The following PTPRD variants were observed in gnomAD, a reference collection of about 807,000 sequenced individuals.
PTPRD encodes protein tyrosine phosphatase receptor type D, also known as receptor-type tyrosine-protein phosphatase delta.
Under a neutral mutation model 214.5 loss-of-function variants are expected in PTPRD, and 34 were observed. The ratio of observed to expected loss-of-function variants is 0.16; its 90% confidence interval spans 0.12 to 0.21. The LOEUF is 0.21. Among genes scored for constraint, PTPRD ranks in the 10% least tolerant of loss-of-function variants. The pLI, the probability that PTPRD is intolerant of heterozygous loss-of-function variation, is 1.00. For synonymous variants in PTPRD, 1,128 were observed against 845.7 expected (o/e 1.33, Z -5.79); for missense variants, 2,545 against 2,398.7 (o/e 1.06, Z -1.27).
At chr9:9,859,273 AG>A (rs1395636494) in intron 5 of PTPRD, among the ~76,000 whole-genome samples, 8 of 152,150 alleles carry the variant, frequency 5.3e-5, no homozygotes, top group Non-Finnish European at 8.8e-5. Flanking sequence ...ACCCAGTCTC[AG>A]GTAAGTATCT....
chr9:8,503,962 T>TA (rs2097481322), intron 23 of PTPRD, among the ~76,000 whole-genome samples: 1 of 152,232 alleles, frequency 6.6e-6, no homozygotes, highest in Admixed American at 6.5e-5. Context: ...TAAAGACTTG[T>TA]AATTCATTAA....
chr9:9,247,335 C>T (rs888462774), intron 9 of PTPRD, among the ~76,000 whole-genome samples: 14 of 151,988 alleles, frequency 9.2e-5, no homozygotes, highest in African/African-American at 3.4e-4. Context: ...ACATTTCTAC[C>T]TGGCTGTCCA....
chr9:8,788,253 AT>A (rs776984034), intron 11 of PTPRD, among the ~76,000 whole-genome samples: 2,670 of 84,902 alleles, frequency 0.031, 85 homozygotes, highest in East Asian at 0.13. Context: ...ATATAAGATG[AT>A]TTTTTTTTTT....
chr9:9,845,923 AAGG>A (rs1428843156), intron 5 of PTPRD, among the ~76,000 whole-genome samples: 1 of 152,052 alleles, frequency 6.6e-6, no homozygotes, highest in Non-Finnish European at 1.5e-5. Flanking sequence ...TGGAGCAGAG[AAGG>A]AGCAGAGTAA....
intron 14 of PTPRD, among the ~76,000 whole-genome samples, chr9:8,632,568 G>A (rs2221875): frequency 0.052 from 7,877 of 151,896 alleles, 658 homozygotes; most frequent in African/African-American, 0.18. Flanking sequence ...GTGCCTAATT[G>A]GGAATGTTCG....
chr9:8,611,804 A>AAGAGGAGAGG (rs141425353), intron 14 of PTPRD, among the ~76,000 whole-genome samples: 39,119 of 145,180 alleles, frequency 0.27, 5,507 homozygotes, highest in South Asian at 0.35. Flanking sequence ...GAAAAGAAAA[A>AAGAGGAGAGG]AGAGGAGAGG....
chr9:9,081,517 C>T (rs532951827), intron 10 of PTPRD, among the ~76,000 whole-genome samples: 107 of 152,004 alleles, frequency 7.0e-4, no homozygotes, highest in African/African-American at 2.5e-3. Flanking sequence ...AGGTCTTCTT[C>T]TTCCAGAGCC....
chr9:8,712,423 GGT>G (rs1185360402), intron 12 of PTPRD, among the ~76,000 whole-genome samples: 1 of 150,564 alleles, frequency 6.6e-6, no homozygotes, highest in Non-Finnish European at 1.5e-5. Context: ...ACTTTTTACT[GGT>G]GTTATTTTCG....
At chr9:8,439,965 TTG>T (rs1554971174) in intron 34 of PTPRD, among the ~76,000 whole-genome samples, 5 of 115,090 alleles carry the variant, frequency 4.3e-5, no homozygotes, top group East Asian at 2.8e-4. Context: ...TTTTTTTTTT[TTG>T]CAGGCTGTAC....
intron 12 of PTPRD, chr9:8,713,541 C>A (rs1182703321): frequency 2.3e-6 from 3 of 1,313,594 alleles, no homozygotes; most frequent in Non-Finnish European, 3.3e-6. Flanking sequence ...GGGTGAAGAA[C>A]TTCGGGATCT....
intron 6 of PTPRD, among the ~76,000 whole-genome samples, chr9:9,742,086 A>G (rs572590101): frequency 1.3e-5 from 2 of 152,192 alleles, no homozygotes; most frequent in African/African-American, 4.8e-5. Context: ...TGTTTTTAAT[A>G]TTCGCCATTC....
At chr9:8,552,466 A>G (rs2082394600) in intron 14 of PTPRD, among the ~76,000 whole-genome samples, 1 of 152,166 alleles carries the variant, frequency 6.6e-6, no homozygotes, top group Admixed American at 6.5e-5. Context: ...AGGTGCATGG[A>G]AAGAGGACAG....
chr9:8,338,644 A>T (rs898453448), intron 43 of PTPRD, among the ~76,000 whole-genome samples: 58 of 152,056 alleles, frequency 3.8e-4, no homozygotes, highest in African/African-American at 1.4e-3. Flanking sequence ...ATCAGTAAAC[A>T]CTTCCCAGCA....
In PTPRD at chr9:8,540,483, A is replaced by G. The variant is rs140466905; in HGVS notation, c.353-11704T>C. Among the ~76,000 whole-genome samples the G allele has an allele frequency of 1.9e-3, 295 of 152,296 alleles. 4 individuals carry two copies. Among genetic ancestry groups the G allele is most frequent in the Admixed American group, 0.018 (272 of 15,288 alleles). ...AGTGATAACTCAAGAGCAAGGTGCA[A>G]GCTCATGAAAAGAAAATGTGAGAAA... On this transcript the variant is annotated intron_variant, in intron 14 of 45. Coordinates refer to ENST00000381196, the MANE Select transcript of PTPRD (RefSeq NM_002839.4).
At chr9:9,662,110 C>A (rs1360570976) in intron 7 of PTPRD, among the ~76,000 whole-genome samples, 2 of 151,656 alleles carry the variant, frequency 1.3e-5, no homozygotes, top group Non-Finnish European at 3.0e-5. Flanking sequence ...TAGCATTCTT[C>A]TCATTGAGAG....
At chr9:10,559,522 T>C (rs1282915114) in intron 2 of PTPRD, among the ~76,000 whole-genome samples, 1 of 152,056 alleles carries the variant, frequency 6.6e-6, no homozygotes, top group African/African-American at 2.4e-5. Context: ...TTTCTGAATC[T>C]AAAATAAAAA....
chr9:9,005,298 G>C lies in PTPRD; in HGVS notation c.-104+13399C>G, dbSNP rs1408303437. Among the ~76,000 whole-genome samples the C allele has an allele frequency of 9.2e-5, 14 of 152,134 alleles. No homozygotes were observed. The South Asian group carries it at 2.5e-3, about 27-fold the overall frequency. ...GTGACAATTTGCTCCTCAATAAAAT[G>C]CAGATAAAACAGCAACCACCTTGCC... is the stretch of plus-strand genomic sequence containing the variant. On this transcript the variant is annotated intron_variant, in intron 11 of 45. Transcript: ENST00000381196.
At chr9:9,039,552 G>A (rs1335820588) in intron 10 of PTPRD, among the ~76,000 whole-genome samples, 2 of 152,224 alleles carry the variant, frequency 1.3e-5, no homozygotes, top group East Asian at 1.9e-4. Flanking sequence ...TTGTTTACAT[G>A]CTGTCTACAC....
At chr9:9,774,090 T>C (rs2098776668) in intron 5 of PTPRD, among the ~76,000 whole-genome samples, 2 of 152,282 alleles carry the variant, frequency 1.3e-5, no homozygotes, top group African/African-American at 2.4e-5. Context: ...GTTCAAGTCA[T>C]AGTGCTCAAA....
Sources: allele counts gnomAD v4.1 joint callset (sites outside exome capture counted in the v4.1 genomes callset), GRCh38; gene constraint gnomAD v4.1.1; transcripts MANE v1.5; gene names NCBI Gene and HGNC (gene_info 2026-07-23, HGNC 2026-07-21).